Variants in CELF2 observed in about 807,000 individuals in gnomAD.
CELF2 encodes CUG triplet repeat RNA-binding protein 2.
CELF2 carries 8 observed loss-of-function variants against 62.6 expected under a neutral mutation model. That is an observed-to-expected ratio of 0.13 (90% CI 0.07 to 0.23). The LOEUF (loss-of-function observed/expected upper bound fraction) is 0.23. Among genes scored for constraint, CELF2 ranks in the 10% least tolerant of loss-of-function variants. CELF2 has a pLI of 1.00. For synonymous variants in CELF2, 258 were observed against 250.0 expected (o/e 1.03, Z -0.30); for missense variants, 333 against 671.0 (o/e 0.50, Z 5.56).
Position 11,089,515 on chromosome 10 carries a change from A to C in CELF2, c.74+71352A>C, listed in dbSNP as rs117432455. Among the ~76,000 whole-genome samples, 336 of 152,314 alleles carry C rather than the reference A, an allele frequency of 2.2e-3. 1 individual carries two copies. Among genetic ancestry groups the C allele is most frequent in the Non-Finnish European group, 3.7e-3 (252 of 68,024 alleles). ...AGGAACCCAAGAAGGGGAGGGACAG[A>C]CTGAGGAGAATATGAGCCACAGTGG... On this transcript the variant is annotated intron_variant, in intron 1 of 12. Coordinates refer to ENST00000633077, the MANE Select transcript of CELF2 (RefSeq NM_001326342.2).
chr10:10,666,262 A>G, the CELF2 span, among the ~76,000 whole-genome samples: 2 of 152,176 alleles, frequency 1.3e-5, no homozygotes, highest in South Asian at 2.1e-4. Flanking sequence ...GTCAGATGCC[A>G]CTAGTCAACT....
chr10:10,491,168 T>C, the CELF2 span, among the ~76,000 whole-genome samples: 3 of 152,116 alleles, frequency 2.0e-5, no homozygotes, highest in Admixed American at 6.6e-5. Flanking sequence ...GCAAAGAGGT[T>C]TCCCTAGCAA....
the CELF2 span, among the ~76,000 whole-genome samples, chr10:10,689,108 A>G: frequency 7.2e-5 from 11 of 152,304 alleles, no homozygotes; most frequent in African/African-American, 2.6e-4. Flanking sequence ...GTCCATCCTC[A>G]TACTGCTCTA....
chr10:10,753,016 G>A, the CELF2 span, among the ~76,000 whole-genome samples: 1 of 151,962 alleles, frequency 6.6e-6, no homozygotes, highest in Non-Finnish European at 1.5e-5. Flanking sequence ...GTGAGCCCTT[G>A]GTGAATTGTA....
intron 2 of CELF2, among the ~76,000 whole-genome samples, chr10:11,204,270 G>T (rs1319824627): frequency 6.6e-6 from 1 of 152,132 alleles, no homozygotes; most frequent in African/African-American, 2.4e-5. Flanking sequence ...TTTACTAAAT[G>T]GATCAAACAG....
intron 1 of CELF2, among the ~76,000 whole-genome samples, chr10:11,132,492 A>C (rs1431600182): frequency 6.6e-6 from 1 of 152,220 alleles, no homozygotes; most frequent in Non-Finnish European, 1.5e-5. Context: ...ATAATTCAGC[A>C]AATGTGGGCA....
chr10:11,128,279 T>C (rs1564853611), intron 1 of CELF2, among the ~76,000 whole-genome samples: 1 of 152,232 alleles, frequency 6.6e-6, no homozygotes, highest in Admixed American at 6.5e-5. Flanking sequence ...TTTTGATTAC[T>C]GTAGCCTTGT....
intron 1 of CELF2, among the ~76,000 whole-genome samples, chr10:11,114,443 C>A (rs1323653058): frequency 6.6e-6 from 1 of 152,152 alleles, no homozygotes; most frequent in Non-Finnish European, 1.5e-5. Context: ...TGTGTCATAT[C>A]TTTTTATAAC....
Position 10,947,255 on chromosome 10 carries a change from CCATGCA to C in CELF2, c.89+27259_89+27264del, listed in dbSNP as rs2047797395. 1 of 152,466 alleles carries C rather than the reference CCATGCA, an allele frequency of 6.6e-6. No individual in the cohort carries two copies. The highest frequency in any genetic ancestry group is 1.5e-5 in the Non-Finnish European group (1 of 68,052). The allele number at this position is 152,466 out of a possible 1,614,324, so 9.4% of individuals were successfully genotyped here. ...ACCTGCTGCACAAAATCATACCTTT[CCATGCA>C]CAGTTGGAAGGACATTTCTCTGGCC... On this transcript the variant is annotated intron_variant, in intron 2 of 13. Transcript: ENST00000636488. This position sits in a 1 kb window ranked among gnomAD's most constrained non-coding sequence, Gnocchi z 4.1.
chr10:11,025,577 A>C (rs986099185), intron 1 of CELF2, among the ~76,000 whole-genome samples: 5 of 152,102 alleles, frequency 3.3e-5, no homozygotes, highest in Non-Finnish European at 7.4e-5. Context: ...CTTAACTGTG[A>C]GTTGAGTAAA....
At chr10:11,019,280 C>T (rs746416599) in intron 1 of CELF2, among the ~76,000 whole-genome samples, 5 of 152,068 alleles carry the variant, frequency 3.3e-5, no homozygotes, top group East Asian at 1.9e-4. Context: ...TCTGATCAGG[C>T]GAGAAATTGG....
the CELF2 span, among the ~76,000 whole-genome samples, chr10:10,732,416 C>T: frequency 3.9e-5 from 6 of 151,978 alleles, no homozygotes; most frequent in South Asian, 2.1e-4. Context: ...CCCCTTAAAG[C>T]GCTAGGAGCT....
chr10:10,497,355 G>A, the CELF2 span, among the ~76,000 whole-genome samples: 79 of 152,298 alleles, frequency 5.2e-4, no homozygotes, highest in Middle Eastern at 3.4e-3. Flanking sequence ...CATGCATTCA[G>A]TTCATGCAAA....
In CELF2 at chr10:11,329,179, T is replaced by C. The variant is rs1453276316; in HGVS notation, c.*126T>C. ...CAACTTTTACCAAGAGAGACGGTTA[T>C]TTTTACAATAAGGCCTCCATGTCCC... On this transcript the variant is annotated 3_prime_UTR_variant, in exon 13 of 13. Transcript: ENST00000633077. The surrounding 1 kb of genome is among the most constrained non-coding windows in gnomAD (Gnocchi z 5.5). 1.9e-6 allele frequency: 2 copies of C among 1,038,886 alleles called. No individual in the cohort carries two copies. The highest frequency in any genetic ancestry group is 2.7e-6 in the Non-Finnish European group (2 of 735,534). 64.4% of individuals were successfully genotyped at this position (1,038,886 alleles called of 1,614,324 possible). A position where few individuals can be genotyped will look rare whatever the true frequency, so the allele number is the denominator to read the frequency against.
chr10:10,846,950 A>T (rs2059053585), intron 1 of CELF2, among the ~76,000 whole-genome samples: 1 of 152,166 alleles, frequency 6.6e-6, no homozygotes, highest in African/African-American at 2.4e-5. Flanking sequence ...CAATTTTCTC[A>T]TACCTGCCGG....
chr10:11,044,786 A>C (rs1489250338), intron 1 of CELF2, among the ~76,000 whole-genome samples: 2 of 152,234 alleles, frequency 1.3e-5, no homozygotes. Context: ...GAGCTCTTGT[A>C]GTTTTATAAT....
intron 1 of CELF2, among the ~76,000 whole-genome samples, chr10:10,814,343 C>T (rs770923031): frequency 1.3e-5 from 2 of 151,172 alleles, no homozygotes; most frequent in East Asian, 4.0e-4. Flanking sequence ...GAACTTGACT[C>T]TCTTTGTCTT....
the CELF2 span, among the ~76,000 whole-genome samples, chr10:10,610,430 A>G: frequency 6.6e-6 from 1 of 152,212 alleles, no homozygotes; most frequent in Non-Finnish European, 1.5e-5. Flanking sequence ...ATTTTATTCC[A>G]TGAGTTGCTT....
chr10:11,115,056 G>A (rs771932978), intron 1 of CELF2, among the ~76,000 whole-genome samples: 45 of 152,154 alleles, frequency 3.0e-4, no homozygotes, highest in Non-Finnish European at 5.9e-4. Context: ...AATAAATACC[G>A]GAAGAATAAA....
Sources: gnomAD v4.1 joint callset for allele counts (sites outside exome capture counted in the v4.1 genomes callset) on GRCh38, gnomAD v4.1.1 for gene constraint, Gnocchi (gnomAD v3.1) non-coding constraint, MANE v1.5 for transcripts, NCBI Gene and HGNC (gene_info 2026-07-23, HGNC 2026-07-21) for gene names.